Variants in EVL observed in about 807,000 individuals in gnomAD.
EVL encodes the protein ena/VASP-like protein.
In EVL, 21 loss-of-function variants were observed where a neutral mutation model predicts 59.6. The ratio of observed to expected loss-of-function variants is 0.35; its 90% CI spans 0.25 to 0.51. The LOEUF (loss-of-function observed/expected upper bound fraction) is 0.51, where lower values mean the gene tolerates loss of function less well. Ranked by LOEUF, EVL falls within the 20% of genes least tolerant of loss-of-function variation. The probability of loss-of-function intolerance (pLI) is 0.97; values close to 1 mark genes in which losing one functional copy is unlikely to be tolerated. For synonymous variants in EVL, 198 were observed against 203.5 expected, an observed-to-expected ratio of 0.97 and a Z score of 0.23; for missense variants, 462 against 546.6, an observed-to-expected ratio of 0.85 and a Z score of 1.54.
chr14:100,005,960 T>G (rs2060976137), intron 1 of EVL, among the ~76,000 whole-genome samples: 1 of 135,698 alleles, frequency 7.4e-6, no homozygotes, highest in Non-Finnish European at 1.5e-5. Flanking sequence ...AATAAAGCCC[T>G]TTAAGTCAAA....
intron 1 of EVL, among the ~76,000 whole-genome samples, chr14:99,996,634 T>A (rs964220346): frequency 6.6e-6 from 1 of 152,174 alleles, no homozygotes; most frequent in African/African-American, 2.4e-5. Flanking sequence ...GTAGGTATGA[T>A]TACTACTCTC....
At chr14:100,121,874 C>T (rs1446588462) in intron 3 of EVL, among the ~76,000 whole-genome samples, 1 of 152,244 alleles carries the variant, frequency 6.6e-6, no homozygotes, top group Non-Finnish European at 1.5e-5. Context: ...GTGGAAAGGC[C>T]TCCATCCTAG....
At chr14:100,045,662 T>C (rs191599150) in intron 1 of EVL, among the ~76,000 whole-genome samples, 57 of 152,388 alleles carry the variant, frequency 3.7e-4, no homozygotes, top group Non-Finnish European at 5.7e-4. Flanking sequence ...TGCTGACTTC[T>C]GCTGTACCAC....
At chr14:100,047,118 CTTTTT>C (rs869205625) in intron 1 of EVL, among the ~76,000 whole-genome samples, 2 of 23,912 alleles carry the variant, frequency 8.4e-5, no homozygotes, top group South Asian at 1.2e-3. Flanking sequence ...ATCTCTCTCT[CTTTTT>C]TTTTTTTTTT....
intron 3 of EVL, among the ~76,000 whole-genome samples, chr14:100,115,988 C>T (rs757792652): frequency 1.6e-4 from 24 of 152,204 alleles, no homozygotes; most frequent in Middle Eastern, 6.3e-3. Flanking sequence ...AGCCCTGGGC[C>T]GGGAGACATT....
intron 3 of EVL, chr14:100,106,720 G>GT (rs1352134872): frequency 5.0e-6 from 2 of 397,688 alleles, no homozygotes; most frequent in Non-Finnish European, 8.8e-6. Flanking sequence ...GAGGGTTGAA[G>GT]TTTTGTGAAA....
intron 2 of EVL, among the ~76,000 whole-genome samples, chr14:100,091,588 C>T (rs924476041): frequency 6.6e-6 from 1 of 152,202 alleles, no homozygotes; most frequent in Non-Finnish European, 1.5e-5. Context: ...CCTCTTCCTG[C>T]ATCCTTTGCC....
chr14:100,047,522 A>T (rs1312772950), intron 1 of EVL, among the ~76,000 whole-genome samples: 1 of 152,182 alleles, frequency 6.6e-6, no homozygotes, highest in Non-Finnish European at 1.5e-5. Flanking sequence ...CGGGACAGAC[A>T]GCCCTGCTTT....
chr14:100,020,655 TA>T (rs1433277566), intron 1 of EVL, among the ~76,000 whole-genome samples: 7 of 152,266 alleles, frequency 4.6e-5, no homozygotes, highest in African/African-American at 1.7e-4. Context: ...CGGTAGACAT[TA>T]AAACAATAAG....
In EVL at chr14:100,095,973, C is replaced by T. The variant is rs1595170080; in HGVS notation, c.181-1508C>T. Among the ~76,000 whole-genome samples the T allele has an allele frequency of 3.9e-5, 6 of 152,310 alleles. 1 individual carries two copies. Among genetic ancestry groups the T allele is most frequent in the Admixed American group, 3.9e-4 (6 of 15,302 alleles). On this transcript the variant is annotated intron_variant, in intron 2 of 13. Transcript: ENST00000392920. ...GAACTTCTGACCTCAGGTGATCCGC[C>T]CACCTTGGCCTCCCAAAGTCCTGGG...
intron 1 of EVL, among the ~76,000 whole-genome samples, chr14:100,007,331 G>C (rs1177928421): frequency 1.3e-5 from 2 of 152,108 alleles, no homozygotes; most frequent in Admixed American, 1.3e-4. Context: ...GTTTTCCAGA[G>C]GAGGCAAATC....
At chr14:100,058,675 G>T (rs2061773021) in intron 1 of EVL, among the ~76,000 whole-genome samples, 1 of 151,762 alleles carries the variant, frequency 6.6e-6, no homozygotes, top group Admixed American at 6.6e-5. Context: ...CATCGGACCT[G>T]GAGACACCAG....
At chr14:100,058,100 CTA>C (rs2061763203) in intron 1 of EVL, among the ~76,000 whole-genome samples, 1 of 152,154 alleles carries the variant, frequency 6.6e-6, no homozygotes, top group South Asian at 2.1e-4. Context: ...GAAAAGAAAA[CTA>C]AAATCCACAG....
rs913351508 is a variant in EVL at position 100,127,077 on chromosome 14, G to C, written c.487+306G>C. ...GGACACAACTATGACTGCAGATGCA[G>C]TTCCTGCCCTCAGGAAGCCCGCTGT... On this transcript the variant is annotated intron_variant, in intron 5 of 13. Coordinates refer to ENST00000392920, the MANE Select transcript of EVL (RefSeq NM_016337.3). This position sits in a 1 kb window ranked among gnomAD's most constrained non-coding sequence, Gnocchi z 4.2. 6.6e-6 allele frequency among the ~76,000 whole-genome samples: 1 copy of C among 152,222 alleles called. No homozygotes were observed. Among genetic ancestry groups the C allele is most frequent in the Non-Finnish European group, 1.5e-5 (1 of 68,034 alleles).
chr14:100,007,465 T>C (rs2060989824), intron 1 of EVL, among the ~76,000 whole-genome samples: 1 of 152,234 alleles, frequency 6.6e-6, no homozygotes, highest in Non-Finnish European at 1.5e-5. Flanking sequence ...TTTATTTTCC[T>C]TTCACAGGAG....
intron 1 of EVL, chr14:99,974,701 T>G (rs1254613067): frequency 1.3e-5 from 2 of 152,602 alleles, no homozygotes; most frequent in African/African-American, 2.4e-5. Flanking sequence ...GATGCCTCTC[T>G]GCACCGGGAC....
chr14:99,987,517 C>G (rs2060847151), intron 1 of EVL, among the ~76,000 whole-genome samples: 1 of 152,200 alleles, frequency 6.6e-6, no homozygotes, highest in Admixed American at 6.5e-5. Flanking sequence ...TGGCACACGC[C>G]TGTAATCCCA....
intron 1 of EVL, among the ~76,000 whole-genome samples, chr14:99,996,097 G>A (rs1388207221): frequency 6.6e-6 from 1 of 151,762 alleles, no homozygotes; most frequent in Non-Finnish European, 1.5e-5. Context: ...CCATCAAAGT[G>A]AGAACATTGA....
At chr14:100,116,319 TG>T (rs767118106) in intron 3 of EVL, among the ~76,000 whole-genome samples, 6 of 152,046 alleles carry the variant, frequency 3.9e-5, no homozygotes, top group Non-Finnish European at 8.8e-5. Flanking sequence ...TCAGACCAGG[TG>T]GCTGTCGTTT....
Sources: gnomAD v4.1 joint callset for allele counts (sites outside exome capture counted in the v4.1 genomes callset) on GRCh38, gnomAD v4.1.1 for gene constraint, Gnocchi (gnomAD v3.1) non-coding constraint, MANE v1.5 for transcripts, NCBI Gene and HGNC (gene_info 2026-07-23, HGNC 2026-07-21) for gene names.